The following ZFAT variants were observed in gnomAD, a reference collection of about 807,000 sequenced individuals.
The protein encoded by ZFAT is zinc finger protein ZFAT.
ZFAT carries 64 observed loss-of-function variants against 117.7 expected under a neutral mutation model. The ratio of observed to expected loss-of-function variants is 0.54; its 90% CI spans 0.44 to 0.67. The LOEUF (loss-of-function observed/expected upper bound fraction) is 0.67. Among genes scored for constraint, ZFAT ranks in the 30% least tolerant of loss-of-function variants. The pLI, the probability that ZFAT is intolerant of heterozygous loss-of-function variation, is 0.00. For synonymous variants in ZFAT, 679 were observed against 615.0 expected (o/e 1.10, Z -1.54); for missense variants, 1,433 against 1,584.5 (o/e 0.90, Z 1.62).
At chr8:134,638,308 A>G (rs1213666741) in intron 2 of ZFAT, among the ~76,000 whole-genome samples, 1 of 152,192 alleles carries the variant, frequency 6.6e-6, no homozygotes, top group Non-Finnish European at 1.5e-5. Context: ...GCATGATCAC[A>G]GCTGCTTTAG....
the ZFAT span, among the ~76,000 whole-genome samples, chr8:134,726,489 A>G: frequency 1.3e-5 from 2 of 152,192 alleles, no homozygotes; most frequent in Non-Finnish European, 2.9e-5. Context: ...ATACCAGTTG[A>G]ACGCCACCAA....
chr8:134,769,087 C>T, the ZFAT span, among the ~76,000 whole-genome samples: 1 of 152,062 alleles, frequency 6.6e-6, no homozygotes, highest in East Asian at 1.9e-4. Flanking sequence ...GCAGGAGAAT[C>T]GCTTGAACCC....
chr8:134,609,165 C>CACATATACATATATATGTATAT (rs1222094341), intron 4 of ZFAT, among the ~76,000 whole-genome samples: 18 of 151,726 alleles, frequency 1.2e-4, no homozygotes, highest in Non-Finnish European at 2.1e-4. Flanking sequence ...TACACACACA[C>CACATATACATATATATGTATAT]ACATATACAT....
chr8:134,794,602 G>A, the ZFAT span: 9 of 152,204 alleles, frequency 5.9e-5, no homozygotes, highest in African/African-American at 1.2e-4. Flanking sequence ...TGAACTGCCT[G>A]AGGCAGGCTT....
intron 11 of ZFAT, among the ~76,000 whole-genome samples, chr8:134,536,112 C>T (rs549514038): frequency 6.6e-6 from 1 of 152,230 alleles, no homozygotes; most frequent in Admixed American, 6.5e-5. Context: ...GAATTGCTAA[C>T]GAGAAGAAAA....
rs551799521 is a variant in ZFAT at position 134,685,686 on chromosome 8, A to G, written c.19+27159T>C. 6.6e-5 allele frequency among the ~76,000 whole-genome samples: 10 copies of G among 152,282 alleles called. No homozygotes were observed. The South Asian group carries it at 2.1e-3, about 32-fold the overall frequency. Reference sequence around the variant, plus strand: ...AAGAGGCAGACAGTCTTTTAGCAAAACAACACCGGGAGTTACTGTCAAGCA... The same window carrying G: ...AAGAGGCAGACAGTCTTTTAGCAAAGCAACACCGGGAGTTACTGTCAAGCA... On this transcript the variant is annotated intron_variant, in intron 1 of 15. Transcript: ENST00000377838.
intron 11 of ZFAT, among the ~76,000 whole-genome samples, chr8:134,540,752 G>A (rs868572855): frequency 4.6e-5 from 7 of 152,176 alleles, no homozygotes; most frequent in South Asian, 2.1e-4. Flanking sequence ...TTCCTCAATC[G>A]CCATCTAGCG....
intron 3 of ZFAT, among the ~76,000 whole-genome samples, chr8:134,616,329 T>C (rs559034125): frequency 6.6e-6 from 1 of 152,348 alleles, no homozygotes; most frequent in South Asian, 2.1e-4. Context: ...AGTAATTTTC[T>C]GCCCACTCCC....
At chr8:134,616,441 TC>T (rs1451842061) in intron 3 of ZFAT, among the ~76,000 whole-genome samples, 1 of 152,174 alleles carries the variant, frequency 6.6e-6, no homozygotes. Flanking sequence ...TTGCGTTTTG[TC>T]CCCTGAAATG....
chr8:134,552,994 T>C (rs1332477823), intron 11 of ZFAT, among the ~76,000 whole-genome samples: 1 of 152,236 alleles, frequency 6.6e-6, no homozygotes, highest in Non-Finnish European at 1.5e-5. Flanking sequence ...TGCTGGGGCC[T>C]TGTGGCATGT....
the ZFAT span, among the ~76,000 whole-genome samples, chr8:134,739,158 C>T: frequency 6.6e-6 from 1 of 152,194 alleles, no homozygotes; most frequent in Admixed American, 6.5e-5. Flanking sequence ...TAGACCCCAG[C>T]TGGGTTTGCA....
rs147565698 is a variant in ZFAT at position 134,691,555 on chromosome 8, C to T, written c.19+21290G>A. 1.5e-4 allele frequency among the ~76,000 whole-genome samples: 23 copies of T among 152,384 alleles called. 1 individual carries two copies. Among genetic ancestry groups the T allele is most frequent in the African/African-American group, 2.4e-4 (10 of 41,598 alleles). ...GGTGAGGAGGACGGGTAAGCAAGCA[C>T]CTGCTCGCTGGTTTTCAGACTTTAT... On this transcript the variant is annotated intron_variant, in intron 1 of 15. Transcript: ENST00000377838.
chr8:134,786,275 T>C, the ZFAT span, among the ~76,000 whole-genome samples: 1 of 152,184 alleles, frequency 6.6e-6, no homozygotes, highest in Non-Finnish European at 1.5e-5. Context: ...AGATCTCCAG[T>C]GCAACATGGA....
intron 12 of ZFAT, among the ~76,000 whole-genome samples, chr8:134,531,865 C>T (rs74961156): frequency 0.02 from 3,046 of 152,296 alleles, 55 homozygotes; most frequent in Middle Eastern, 0.031. Flanking sequence ...GCTATTACAG[C>T]GAGCGGAGCT....
chr8:134,688,175 G>A (rs964111958), intron 1 of ZFAT, among the ~76,000 whole-genome samples: 1 of 152,204 alleles, frequency 6.6e-6, no homozygotes. Flanking sequence ...AGATGGTGTC[G>A]ATGCTGAAGA....
the ZFAT span, among the ~76,000 whole-genome samples, chr8:134,817,381 GTC>G: frequency 1.2e-3 from 145 of 121,002 alleles, no homozygotes; most frequent in African/African-American, 4.2e-3. Context: ...CAATCTCTCT[GTC>G]TCTCTCTCTC....
rs189464550 is a variant in ZFAT at position 134,678,871 on chromosome 8, A to G, written c.20-21134T>C. ...CCCTATTTAATAAATGGTGCTGGGA[A>G]AACTGGCTAGCCATATGCAGAAAGC... On this transcript the variant is annotated intron_variant, in intron 1 of 15. Coordinates refer to ENST00000377838, the MANE Select transcript of ZFAT (RefSeq NM_020863.4). Among the ~76,000 whole-genome samples, 982 of 152,368 alleles carry G rather than the reference A, an allele frequency of 6.4e-3. 13 individuals carry two copies. Among genetic ancestry groups the G allele is most frequent in the African/African-American group, 0.022 (932 of 41,590 alleles).
At chr8:134,601,403 C>G in intron 6 of ZFAT, 74 bp downstream of exon 6, 1 of 1,524,572 alleles carries the variant, frequency 6.6e-7, no homozygotes, top group Non-Finnish European at 8.8e-7. Context: ...CAGACATGAG[C>G]TCAAATCAAA....
the ZFAT span, among the ~76,000 whole-genome samples, chr8:134,730,504 C>T: frequency 6.6e-6 from 1 of 152,194 alleles, no homozygotes; most frequent in Non-Finnish European, 1.5e-5. Context: ...GCACGTGGAA[C>T]ATCCTCCGTG....
Sources: allele counts gnomAD v4.1 joint callset (sites outside exome capture counted in the v4.1 genomes callset), GRCh38; gene constraint gnomAD v4.1.1; transcripts MANE v1.5; gene names NCBI Gene and HGNC (gene_info 2026-07-23, HGNC 2026-07-21).